The following CPED1 variants were observed in gnomAD, a reference collection of about 807,000 sequenced individuals.
CPED1 encodes the protein cadherin-like and PC-esterase domain-containing protein 1.
In CPED1, 114 loss-of-function variants were observed where a neutral mutation model predicts 128.2. The ratio of observed to expected loss-of-function variants is 0.89; its 90% CI spans 0.76 to 1.04. The LOEUF is 1.04. Ranked by LOEUF, CPED1 falls within the 50% of genes least tolerant of loss-of-function variation. The pLI, the probability that CPED1 is intolerant of heterozygous loss-of-function variation, is 0.00. For missense variants in CPED1, 1,211 were observed against 1,207.1 expected, an observed-to-expected ratio of 1.00 and a Z score of -0.05; for synonymous variants, 462 against 426.7, an observed-to-expected ratio of 1.08 and a Z score of -1.02.
chr7:121,044,665 T>TTTG (rs1235400397), intron 3 of CPED1, among the ~76,000 whole-genome samples: 1 of 145,582 alleles, frequency 6.9e-6, no homozygotes, highest in Non-Finnish European at 1.5e-5. Context: ...TTTTTTTTTT[T>TTTG]TTTTGCTATT....
chr7:121,269,125 ATCTAATAGGTAATTC>A (rs1387930861), intron 21 of CPED1, among the ~76,000 whole-genome samples: 1 of 152,032 alleles, frequency 6.6e-6, no homozygotes, highest in Non-Finnish European at 1.5e-5. Flanking sequence ...CAAGCGTAGT[ATCTAATAGGTAATTC>A]TCCAACCCTT....
chr7:121,137,025 G>A (rs528532654), intron 14 of CPED1, among the ~76,000 whole-genome samples: 5 of 151,614 alleles, frequency 3.3e-5, no homozygotes, highest in African/African-American at 4.8e-5. Context: ...ATATATATAC[G>A]TGTGTGTATG....
At chr7:121,206,801 A>G (rs1229447253) in intron 16 of CPED1, among the ~76,000 whole-genome samples, 2 of 151,854 alleles carry the variant, frequency 1.3e-5, no homozygotes, top group Non-Finnish European at 2.9e-5. Context: ...TAATCCCACC[A>G]CTTAAAAAAA....
At chr7:121,060,657 T>A (rs963722198) in intron 4 of CPED1, among the ~76,000 whole-genome samples, 1 of 152,154 alleles carries the variant, frequency 6.6e-6, no homozygotes, top group Admixed American at 6.5e-5. Flanking sequence ...TCAGGGATTG[T>A]AAACGCACCA....
intron 16 of CPED1, among the ~76,000 whole-genome samples, chr7:121,162,682 A>G (rs755408291): frequency 2.6e-5 from 4 of 152,226 alleles, no homozygotes; most frequent in Non-Finnish European, 5.9e-5. Flanking sequence ...GTGCTTAAAC[A>G]ATGTCATCTG....
intron 3 of CPED1, among the ~76,000 whole-genome samples, chr7:121,027,154 A>C (rs1025084630): frequency 2.6e-5 from 4 of 151,744 alleles, no homozygotes; most frequent in African/African-American, 9.7e-5. Context: ...TCATTTCTTA[A>C]AGTTCAAATG....
chr7:121,199,291 A>G (rs184894386), intron 16 of CPED1, among the ~76,000 whole-genome samples: 22 of 152,228 alleles, frequency 1.4e-4, no homozygotes, highest in Non-Finnish European at 2.5e-4. Context: ...GGAGAATTAG[A>G]TTCAACTCAC....
At chr7:121,051,234 T>A (rs151261891) in intron 4 of CPED1, 29 of 476,346 alleles carry the variant, frequency 6.1e-5, no homozygotes, top group African/African-American at 4.2e-4. Context: ...TTACCAGCAG[T>A]CCCTGACTCC....
intron 6 of CPED1, 70 bp downstream of exon 6, chr7:121,097,901 A>G: frequency 2.6e-6 from 4 of 1,528,230 alleles, no homozygotes; most frequent in Non-Finnish European, 3.6e-6. Flanking sequence ...AGAAAAGCAC[A>G]GAACAGATAT....
At chr7:121,276,747 C>A (rs1284579139) in intron 22 of CPED1, among the ~76,000 whole-genome samples, 3 of 152,024 alleles carry the variant, frequency 2.0e-5, no homozygotes, top group Admixed American at 2.0e-4. Context: ...TAATGTGAAC[C>A]AAAGTAGCTC....
At chr7:121,247,794 C>G (rs1456613244) in intron 18 of CPED1, among the ~76,000 whole-genome samples, 1 of 152,140 alleles carries the variant, frequency 6.6e-6, no homozygotes, top group South Asian at 2.1e-4. Context: ...TCTGGCGGAA[C>G]CCATCTCTGG....
At position 121,046,907 on chromosome 7, in the gene CPED1, C is replaced by G. The variant is rs753255831; in HGVS notation, c.454C>G (p.Leu152Val). The change falls in exon 4 of 23, where the codon CTG becomes GTG. Residue 152 changes from leucine to valine, a missense_variant. Leu to Val is a conservative substitution (Grantham distance 32, BLOSUM62 1). Transcript: ENST00000310396. ...LEQGDLGSWD[L>V]LICLSSKKAE... Reference sequence around the variant, plus strand: ...TTTAGGTGATCTGGGCTCTTGGGATCTGCTCATTTGCCTGTCTTCTAAGAA... The same window carrying G: ...TTTAGGTGATCTGGGCTCTTGGGATGTGCTCATTTGCCTGTCTTCTAAGAA... 1 of 1,611,438 alleles carries G rather than the reference C, an allele frequency of 6.2e-7. No homozygotes were observed. Among genetic ancestry groups the G allele is most frequent in the South Asian group, 1.1e-5 (1 of 90,784 alleles).
chr7:121,232,672 C>T (rs1798164606), intron 16 of CPED1, among the ~76,000 whole-genome samples: 1 of 152,064 alleles, frequency 6.6e-6, no homozygotes, highest in Non-Finnish European at 1.5e-5. Context: ...TTGGCCATGC[C>T]AGAATCATCA....
intron 16 of CPED1, among the ~76,000 whole-genome samples, chr7:121,218,972 A>ATAAG (rs924194593): frequency 6.6e-6 from 1 of 152,096 alleles, no homozygotes; most frequent in African/African-American, 2.4e-5. Flanking sequence ...GGAATATGAA[A>ATAAG]TAAGTTTTTC....
intron 2 of CPED1, chr7:120,994,135 G>A (rs1796354445): frequency 6.5e-6 from 1 of 154,354 alleles, no homozygotes; most frequent in South Asian, 2.0e-4. Flanking sequence ...ACTCACTACT[G>A]AGGCAGTAGT....
intron 14 of CPED1, among the ~76,000 whole-genome samples, chr7:121,137,773 T>G (rs566187906): frequency 6.6e-6 from 1 of 152,118 alleles, no homozygotes; most frequent in South Asian, 2.1e-4. Context: ...CCTGGAAAAC[T>G]GTTGTCTAGA....
At chr7:121,141,385 C>T (rs528610157) in intron 15 of CPED1, among the ~76,000 whole-genome samples, 14 of 152,130 alleles carry the variant, frequency 9.2e-5, no homozygotes, top group South Asian at 2.1e-4. Context: ...ACTTTTCTAA[C>T]CTCACTGGCT....
At chr7:121,201,730 G>C (rs1032744121) in intron 16 of CPED1, among the ~76,000 whole-genome samples, 2 of 152,084 alleles carry the variant, frequency 1.3e-5, no homozygotes, top group African/African-American at 4.8e-5. Flanking sequence ...ACAGAAAGCA[G>C]AAGGTAAAGC....
intron 18 of CPED1, among the ~76,000 whole-genome samples, chr7:121,244,995 C>T (rs541452335): frequency 1.3e-5 from 2 of 152,276 alleles, no homozygotes; most frequent in East Asian, 3.9e-4. Flanking sequence ...GACTGAGATG[C>T]TTGGTTAACA....
Sources: gnomAD v4.1 joint callset for allele counts (sites outside exome capture counted in the v4.1 genomes callset) on GRCh38, gnomAD v4.1.1 for gene constraint, MANE v1.5 for transcripts, NCBI Gene and HGNC (gene_info 2026-07-23, HGNC 2026-07-21) for gene names.